COL21A1: variants seen among roughly 807,000 people sequenced by gnomAD.
COL21A1 encodes the protein collagen type XXI alpha 1 chain, also known as collagen alpha-1(XXI) chain.
Under a neutral mutation model 137.9 loss-of-function variants are expected in COL21A1, and 149 were observed. The ratio of observed to expected loss-of-function variants is 1.08; its 90% CI spans 0.95 to 1.24. The LOEUF (loss-of-function observed/expected upper bound fraction) is 1.24. Ranked by LOEUF, COL21A1 falls within the 50% of genes most tolerant of loss-of-function variation. COL21A1 has a pLI of 0.00. For missense variants in COL21A1, 1,167 were observed against 1,158.4 expected, an observed-to-expected ratio of 1.01 and a Z score of -0.11; for synonymous variants, 456 against 391.5, an observed-to-expected ratio of 1.16 and a Z score of -1.95.
At chr6:56,155,672 T>C (rs1283697056) in intron 10 of COL21A1, among the ~76,000 whole-genome samples, 1 of 152,240 alleles carries the variant, frequency 6.6e-6, no homozygotes, top group African/African-American at 2.4e-5. Flanking sequence ...TCTCAGCTCA[T>C]GCAGCCTCCG....
At chr6:56,365,430 T>G (rs914018330) in intron 1 of COL21A1, among the ~76,000 whole-genome samples, 2 of 152,240 alleles carry the variant, frequency 1.3e-5, no homozygotes, top group African/African-American at 2.4e-5. Flanking sequence ...CTGCAAAGAA[T>G]AGTTTAATAT....
intron 1 of COL21A1, among the ~76,000 whole-genome samples, chr6:56,300,912 T>A (rs1438062009): frequency 1.3e-5 from 2 of 152,188 alleles, no homozygotes; most frequent in African/African-American, 4.8e-5. Flanking sequence ...ACCTATCAAA[T>A]AGTCTTTCTA....
At chr6:56,058,671 A>G (rs1393703063) in intron 29 of COL21A1, among the ~76,000 whole-genome samples, 2 of 152,226 alleles carry the variant, frequency 1.3e-5, no homozygotes, top group Non-Finnish European at 2.9e-5. Flanking sequence ...TATTGAAAAC[A>G]TAACTGTGAT....
intron 1 of COL21A1, among the ~76,000 whole-genome samples, chr6:56,314,866 C>T (rs1582774974): frequency 6.6e-6 from 1 of 152,210 alleles, no homozygotes; most frequent in Non-Finnish European, 1.5e-5. Flanking sequence ...TAACTGTAAA[C>T]CCAAGCAAAA....
intron 1 of COL21A1, among the ~76,000 whole-genome samples, chr6:56,333,909 C>T (rs1255615242): frequency 1.3e-5 from 2 of 152,002 alleles, no homozygotes; most frequent in East Asian, 1.9e-4. Flanking sequence ...TGTTGTACGT[C>T]GTCTTTGATC....
At chr6:56,251,284 A>C (rs1328470758), upstream of COL21A1, among the ~76,000 whole-genome samples, 1 of 152,204 alleles carries the variant, frequency 6.6e-6, no homozygotes, top group Non-Finnish European at 1.5e-5. Flanking sequence ...TTTAAGTCTC[A>C]AATTCTCAAC....
At chr6:56,250,516 T>G (rs183250337), upstream of COL21A1, among the ~76,000 whole-genome samples, 1 of 152,232 alleles carries the variant, frequency 6.6e-6, no homozygotes, top group Non-Finnish European at 1.5e-5. Context: ...GAGACTTCAG[T>G]TGTACAACCA....
chr6:56,183,530 C>A (rs1778052577), intron 1 of COL21A1, among the ~76,000 whole-genome samples: 1 of 152,114 alleles, frequency 6.6e-6, no homozygotes, highest in Non-Finnish European at 1.5e-5. Flanking sequence ...TTCTGGTGAG[C>A]CTTAACTAAA....
At chr6:56,173,596 A>G (rs1372541769) in intron 3 of COL21A1, among the ~76,000 whole-genome samples, 1 of 152,198 alleles carries the variant, frequency 6.6e-6, no homozygotes, top group African/African-American at 2.4e-5. Flanking sequence ...GTACAAAACT[A>G]TAACAAGAGA....
intron 1 of COL21A1, among the ~76,000 whole-genome samples, chr6:56,355,196 A>G (rs899394472): frequency 1.3e-5 from 2 of 152,138 alleles, no homozygotes; most frequent in East Asian, 3.8e-4. Flanking sequence ...AAAGCTTAAG[A>G]TAGAAGTACT....
Position 56,112,667 on chromosome 6 carries a change from T to C in COL21A1, c.1759-11142A>G, listed in dbSNP as rs1437591000. Among the ~76,000 whole-genome samples the C allele has an allele frequency of 5.3e-5, 8 of 150,792 alleles. No homozygotes were observed. In the East Asian group the frequency reaches 7.8e-4, roughly 15 times the overall value. ...ACTGATGCCTGCCCACAGAAGAAGT[T>C]TTTTTTTCTTTTCTTTTTTCTTTTT... On this transcript the variant is annotated intron_variant, in intron 16 of 29. Coordinates refer to ENST00000244728, the MANE Select transcript of COL21A1 (RefSeq NM_030820.4).
intron 22 of COL21A1, among the ~76,000 whole-genome samples, chr6:56,067,631 AC>A (rs1766383031): frequency 6.6e-6 from 1 of 151,786 alleles, no homozygotes. Flanking sequence ...GGTTAGACAA[AC>A]TAACAAGAGA....
chr6:56,349,315 G>A (rs1765660407), intron 1 of COL21A1, among the ~76,000 whole-genome samples: 1 of 148,736 alleles, frequency 6.7e-6, no homozygotes, highest in Admixed American at 6.8e-5. Flanking sequence ...AATAAAGAAA[G>A]CTTGGCTAAA....
chr6:56,119,308 A>C (rs925360730), intron 16 of COL21A1, among the ~76,000 whole-genome samples: 18 of 152,174 alleles, frequency 1.2e-4, no homozygotes, highest in Non-Finnish European at 2.9e-5. Context: ...GAAATTTAAA[A>C]AGTAATCCCA....
chr6:56,356,872 GA>G (rs70989710), intron 1 of COL21A1, among the ~76,000 whole-genome samples: 32,821 of 152,002 alleles, frequency 0.22, 3,983 homozygotes, highest in Middle Eastern at 0.33. Flanking sequence ...AGGAGACAAT[GA>G]AAAAAATGTT....
chr6:56,343,119 C>A (rs970879966), intron 1 of COL21A1, among the ~76,000 whole-genome samples: 1 of 152,022 alleles, frequency 6.6e-6, no homozygotes, highest in African/African-American at 2.4e-5. Context: ...CCTGGGGACC[C>A]ATCTGTAAAA....
At chr6:56,100,736 GT>G (rs1770384258) in intron 17 of COL21A1, among the ~76,000 whole-genome samples, 1 of 152,098 alleles carries the variant, frequency 6.6e-6, no homozygotes, top group Non-Finnish European at 1.5e-5. Flanking sequence ...AACTTTCAGA[GT>G]AGTTTAATCC....
At chr6:56,366,143 A>G (rs191102077) in intron 1 of COL21A1, among the ~76,000 whole-genome samples, 14 of 152,262 alleles carry the variant, frequency 9.2e-5, no homozygotes, top group African/African-American at 3.4e-4. Flanking sequence ...GATTTGATAG[A>G]GGGAAAGAGA....
chr6:56,135,232 A>G (rs1390060955), intron 12 of COL21A1, among the ~76,000 whole-genome samples: 1 of 152,140 alleles, frequency 6.6e-6, no homozygotes, highest in Non-Finnish European at 1.5e-5. Context: ...ATTTTCACAC[A>G]TACAAACAAC....
Sources: gnomAD v4.1 joint callset for allele counts (sites outside exome capture counted in the v4.1 genomes callset) on GRCh38, gnomAD v4.1.1 for gene constraint, MANE v1.5 for transcripts, NCBI Gene and HGNC (gene_info 2026-07-23, HGNC 2026-07-21) for gene names.